Variants in LRP1B observed in about 807,000 individuals in gnomAD.
LRP1B encodes the protein LDL receptor related protein 1B, also known as low-density lipoprotein receptor-related protein 1B.
Under a neutral mutation model 556.6 loss-of-function variants are expected in LRP1B, and 217 were observed. The ratio of observed to expected loss-of-function variants is 0.39; its 90% CI spans 0.35 to 0.44. LRP1B has a LOEUF of 0.44. Among genes scored for constraint, LRP1B ranks in the 20% least tolerant of loss-of-function variants. The probability of loss-of-function intolerance (pLI) is 1.00; values close to 1 mark genes in which losing one functional copy is unlikely to be tolerated. For missense variants in LRP1B, 5,053 were observed against 5,620.8 expected (o/e 0.90, Z 3.23); for synonymous variants, 2,047 against 1,865.8 (o/e 1.10, Z -2.50).
chr2:141,597,055 TACACACACAC>T (rs35647921), intron 2 of LRP1B, among the ~76,000 whole-genome samples: 15 of 147,368 alleles, frequency 1.0e-4, no homozygotes, highest in African/African-American at 2.5e-4. Context: ...TCTGACATTT[TACACACACAC>T]ACACACACAC....
At chr2:141,131,845 T>A (rs193058091) in intron 7 of LRP1B, among the ~76,000 whole-genome samples, 72 of 151,842 alleles carry the variant, frequency 4.7e-4, no homozygotes, top group African/African-American at 1.6e-3. Context: ...CATTTTTTTT[T>A]AATTTCCATA....
chr2:140,278,936 CCA>C (rs1682802806), intron 84 of LRP1B, among the ~76,000 whole-genome samples: 1 of 151,944 alleles, frequency 6.6e-6, no homozygotes, highest in South Asian at 2.1e-4. Flanking sequence ...TCTTCTATCT[CCA>C]GTTATTTGGC....
At chr2:142,066,446 C>A (rs1049864075) in intron 1 of LRP1B, among the ~76,000 whole-genome samples, 1 of 151,528 alleles carries the variant, frequency 6.6e-6, no homozygotes, top group Non-Finnish European at 1.5e-5. Context: ...TTGCAGCACA[C>A]AATTCCTCTA....
At chr2:141,098,812 C>T (rs1344742224) in intron 7 of LRP1B, among the ~76,000 whole-genome samples, 1 of 152,130 alleles carries the variant, frequency 6.6e-6, no homozygotes, top group Non-Finnish European at 1.5e-5. Flanking sequence ...CATGTGCCAC[C>T]ACACCCAGCT....
At chr2:141,650,046 G>A (rs1292675425) in intron 2 of LRP1B, among the ~76,000 whole-genome samples, 2 of 152,136 alleles carry the variant, frequency 1.3e-5, no homozygotes, top group African/African-American at 4.8e-5. Context: ...GCGGCATGGT[G>A]GCATGTGCCT....
At chr2:141,634,852 A>G (rs1180093397) in intron 2 of LRP1B, among the ~76,000 whole-genome samples, 1 of 152,040 alleles carries the variant, frequency 6.6e-6, no homozygotes, top group African/African-American at 2.4e-5. Flanking sequence ...TTTCCTGTCA[A>G]TAAAATTTCT....
At chr2:141,538,655 G>A (rs1206600055) in intron 2 of LRP1B, among the ~76,000 whole-genome samples, 5 of 87,868 alleles carry the variant, frequency 5.7e-5, no homozygotes, top group South Asian at 7.7e-4. Flanking sequence ...TTTTTTTTTT[G>A]AGACACAGTC....
intron 11 of LRP1B, among the ~76,000 whole-genome samples, chr2:141,048,415 T>C (rs949269674): frequency 6.6e-6 from 1 of 152,148 alleles, no homozygotes; most frequent in African/African-American, 2.4e-5. Flanking sequence ...CTCTATCTGT[T>C]TTTATGTATA....
At chr2:140,475,973 A>G (rs150660132) in intron 59 of LRP1B, among the ~76,000 whole-genome samples, 5,613 of 152,052 alleles carry the variant, frequency 0.037, 153 homozygotes, top group Non-Finnish European at 0.047. Flanking sequence ...GTTCTACTGG[A>G]CAGCAGTGAT....
chr2:140,642,741 G>A (rs1684343962), intron 41 of LRP1B, among the ~76,000 whole-genome samples: 1 of 152,162 alleles, frequency 6.6e-6, no homozygotes, highest in Non-Finnish European at 1.5e-5. Flanking sequence ...CTACTCGGGA[G>A]GCTGAGGCAG....
At chr2:140,558,322 T>C (rs1489609444) in intron 43 of LRP1B, among the ~76,000 whole-genome samples, 1 of 152,136 alleles carries the variant, frequency 6.6e-6, no homozygotes, top group Non-Finnish European at 1.5e-5. Context: ...ATAGCAGCAA[T>C]ATTTATAGTA....
chr2:140,233,179 T>A lies in LRP1B; in HGVS notation c.*7A>T. The A allele has an allele frequency of 6.4e-7, 1 of 1,571,706 alleles. No individual in the cohort carries two copies. Among genetic ancestry groups the A allele is most frequent in the South Asian group, 1.1e-5 (1 of 88,606 alleles). ...ACATTTATACAGCATATAAAAGATA[T>A]CACTGATTATGCCACTGTCTCTCTT... On this transcript the variant is annotated 3_prime_UTR_variant, in exon 91 of 91. Coordinates refer to ENST00000389484, the MANE Select transcript of LRP1B (RefSeq NM_018557.3).
chr2:140,268,232 ATTG>A (rs987698608), intron 86 of LRP1B, among the ~76,000 whole-genome samples: 1 of 151,850 alleles, frequency 6.6e-6, no homozygotes, highest in Non-Finnish European at 1.5e-5. Context: ...TAATGAATCT[ATTG>A]TTCTCTTCAT....
At chr2:141,639,402 A>C (rs1175173321) in intron 2 of LRP1B, among the ~76,000 whole-genome samples, 1 of 126,092 alleles carries the variant, frequency 7.9e-6, no homozygotes, top group South Asian at 2.6e-4. Flanking sequence ...ACATATATAT[A>C]TATGTGTATA....
chr2:141,427,999 T>C (rs566054822), intron 3 of LRP1B, among the ~76,000 whole-genome samples: 76 of 152,296 alleles, frequency 5.0e-4, no homozygotes, highest in African/African-American at 1.8e-3. Context: ...AGCTATAAAA[T>C]ACCTCCCCAC....
intron 1 of LRP1B, among the ~76,000 whole-genome samples, chr2:142,040,326 T>G (rs903903375): frequency 2.5e-4 from 38 of 151,402 alleles, no homozygotes; most frequent in Non-Finnish European, 7.4e-5. Context: ...TTTGCTATCA[T>G]TTTTAAAAGA....
chr2:141,188,270 T>C (rs1681350078), intron 7 of LRP1B, 151 bp downstream of exon 7: 1 of 728,842 alleles, frequency 1.4e-6, no homozygotes, highest in African/African-American at 1.8e-5. Flanking sequence ...GTTATAGCCT[T>C]TTTTCCTTCC....
At chr2:140,574,180 T>C (rs1035518824) in intron 43 of LRP1B, among the ~76,000 whole-genome samples, 1 of 152,150 alleles carries the variant, frequency 6.6e-6, no homozygotes, top group Non-Finnish European at 1.5e-5. Flanking sequence ...TGAAATGTTG[T>C]GCTCTGCTGT....
At chr2:141,300,822 T>C (rs963985651) in intron 3 of LRP1B, among the ~76,000 whole-genome samples, 2 of 152,154 alleles carry the variant, frequency 1.3e-5, no homozygotes, top group African/African-American at 2.4e-5. Flanking sequence ...CAATTAAACC[T>C]CTTTTCTGTA....
Sources: gnomAD v4.1 joint callset for allele counts (sites outside exome capture counted in the v4.1 genomes callset) on GRCh38, gnomAD v4.1.1 for gene constraint, MANE v1.5 for transcripts, NCBI Gene and HGNC (gene_info 2026-07-23, HGNC 2026-07-21) for gene names.